Variants in HDAC3 observed in about 807,000 individuals in gnomAD.
The protein encoded by HDAC3 is histone deacetylase 3, also known as SMAP45.
HDAC3 carries 21 observed loss-of-function variants against 62.3 expected under a neutral mutation model. The ratio of observed to expected loss-of-function variants is 0.34; its 90% CI spans 0.24 to 0.49. The LOEUF is 0.49. Ranked by LOEUF, HDAC3 falls within the 20% of genes least tolerant of loss-of-function variation. HDAC3 has a pLI of 0.99. For synonymous variants in HDAC3, 198 were observed against 206.5 expected, an observed-to-expected ratio of 0.96 and a Z score of 0.35; for missense variants, 270 against 556.9, an observed-to-expected ratio of 0.48 and a Z score of 5.19.
Position 141,626,336 on chromosome 5 carries a change from AAATACCTTTAGGT to A in HDAC3, c.831-66_831-54del, listed in dbSNP as rs1182858352. On this transcript the variant is annotated intron_variant, in intron 10 of 14. Transcript: ENST00000305264. This position sits in a 1 kb window ranked among gnomAD's most constrained non-coding sequence, Gnocchi z 4.6. ...GGAGGAGGTTATCAAAAGACAAGGT[AAATACCTTTAGGT>A]ATTGCCTGAAAGGAGCACAAGAAAA... 2.2e-6 allele frequency: 3 copies of A among 1,366,690 alleles called. No homozygotes were observed. In the East Asian group the frequency reaches 6.9e-5, roughly 31 times the overall value. 84.7% of individuals were successfully genotyped at this position (1,366,690 alleles called of 1,614,324 possible).
At chr5:141,633,778 A>C (rs1259784263) in intron 3 of HDAC3, among the ~76,000 whole-genome samples, 1 of 147,022 alleles carries the variant, frequency 6.8e-6, no homozygotes, top group Non-Finnish European at 1.5e-5. Context: ...GTGAGCCAAG[A>C]CTGCACCACT....
At position 141,636,828 on chromosome 5, in the gene HDAC3, G is replaced by A. The variant is rs1030548082; in HGVS notation, c.-38C>T. Reference sequence around the variant, plus strand: ...AGCAGGCCCCGCACCTCCGCCGCCCGCCGCCCGCGGCCGCCGCCAGCCCCT... The same window carrying A: ...AGCAGGCCCCGCACCTCCGCCGCCCACCGCCCGCGGCCGCCGCCAGCCCCT... On this transcript the variant is annotated 5_prime_UTR_variant, in exon 1 of 15. Transcript: ENST00000305264. 7 of 1,438,554 alleles carry A rather than the reference G, an allele frequency of 4.9e-6. No individual in the cohort carries two copies. The South Asian group carries it at 9.4e-5, about 19-fold the overall frequency. The allele number at this position is 1,438,554 out of a possible 1,614,324, so 89.1% of individuals were successfully genotyped here.
rs912465677 is a variant in HDAC3 at position 141,626,425 on chromosome 5, C to A, written c.831-142G>T. On this transcript the variant is annotated intron_variant, in intron 10 of 14. Coordinates refer to ENST00000305264, the MANE Select transcript of HDAC3 (RefSeq NM_003883.4). The surrounding 1 kb of genome is among the most constrained non-coding windows in gnomAD (Gnocchi z 4.6). The stretch of plus-strand genomic sequence containing the variant: ...TGATAGTGAAATTCATTATGTTATA[C>A]CCTTAAGATTTGGGTATACTTTATA... 5 of 678,156 alleles carry A rather than the reference C, an allele frequency of 7.4e-6. No homozygotes were observed. The highest frequency in any genetic ancestry group is 7.2e-5 in the Admixed American group (3 of 41,830). The allele number at this position is 678,156 out of a possible 1,614,324, so 42.0% of individuals were successfully genotyped here. A position where few individuals can be genotyped will look rare whatever the true frequency, so the allele number is the denominator to read the frequency against.
Position 141,629,103 on chromosome 5 carries a change from G to C in HDAC3, c.610+70C>G. On this transcript the variant is annotated intron_variant, in intron 7 of 14. Transcript: ENST00000305264. The surrounding 1 kb of genome is among the most constrained non-coding windows in gnomAD (Gnocchi z 5.3). ...GGGGACACCTGAGATGAGACTAGAA[G>C]GCTGAGAAGGAGGCACTCATAGTAA... The C allele has an allele frequency of 6.5e-7, 1 of 1,528,076 alleles. No homozygotes were observed. 94.7% of individuals were successfully genotyped at this position (1,528,076 alleles called of 1,614,324 possible).
rs1371129070 is a variant in HDAC3 at position 141,626,318 on chromosome 5, G to A, written c.831-35C>T. 2.6e-6 allele frequency: 4 copies of A among 1,530,590 alleles called. No individual in the cohort carries two copies. In the South Asian group the frequency reaches 3.4e-5, roughly 13 times the overall value. The allele number at this position is 1,530,590 out of a possible 1,614,324, so 94.8% of individuals were successfully genotyped here. Reference sequence around the variant, plus strand: ...GGAACCAGAGGAAGATGTGGAGGAGGTTATCAAAAGACAAGGTAAATACCT... The same window carrying A: ...GGAACCAGAGGAAGATGTGGAGGAGATTATCAAAAGACAAGGTAAATACCT... On this transcript the variant is annotated intron_variant, in intron 10 of 14. Transcript: ENST00000305264. This position sits in a 1 kb window ranked among gnomAD's most constrained non-coding sequence, Gnocchi z 4.6.
rs2099905741 is a variant in HDAC3, at chr5:141,634,867, G to A, written c.225C>T (p.Pro75=). 6.2e-7 allele frequency: 1 copy of A among 1,613,950 alleles called. No individual in the cohort carries two copies. The highest frequency in any genetic ancestry group is 1.3e-5 in the African/African-American group (1 of 74,900). ...DYIDFLQRVS[P]TNMQGFTKSL... is the part of the protein sequence containing the mutation. Reference sequence around the variant, plus strand: ...TCTTGGTGAAGCCTTGCATATTGGTGGGGCTGACTCTCTGCAGGAAGTCAA... The same window carrying A: ...TCTTGGTGAAGCCTTGCATATTGGTAGGGCTGACTCTCTGCAGGAAGTCAA... Residue 75 remains proline (P), a synonymous_variant, in exon 3 of 15, where the codon CCC becomes CCT. Transcript: ENST00000305264.
chr5:141,622,177 T>C (rs1472181876), intron 14 of HDAC3, among the ~76,000 whole-genome samples: 2 of 152,232 alleles, frequency 1.3e-5, no homozygotes, highest in Non-Finnish European at 2.9e-5. Context: ...TGGATTTTCT[T>C]CTAAGTGCAA....
Position 141,636,581 on chromosome 5 carries a change from C to T in HDAC3, c.105G>A (p.Leu35=), listed in dbSNP as rs750727016. The T allele has an allele frequency of 3.1e-6, 5 of 1,613,970 alleles. No individual in the cohort carries two copies. In the African/African-American group the frequency reaches 4.0e-5, roughly 13 times the overall value. ...TCTTATAGAGACCGTAATGCAGGAC[C>T]AGGCTATGGGTCAATGCCAGGCGAT... ...KPHRLALTHS[L]VLHYGLYKKM... The change falls in exon 2 of 15, where the codon CTG becomes CTA. Residue 35 remains leucine, a synonymous_variant. Coordinates refer to ENST00000305264, the MANE Select transcript of HDAC3 (RefSeq NM_003883.4).
chr5:141,629,356 C>G lies in HDAC3; in HGVS notation c.477-50G>C. The G allele has an allele frequency of 6.2e-7, 1 of 1,611,538 alleles. No homozygotes were observed. Among genetic ancestry groups the G allele is most frequent in the African/African-American group, 1.3e-5 (1 of 74,962 alleles). On this transcript the variant is annotated intron_variant, in intron 6 of 14. Coordinates refer to ENST00000305264, the MANE Select transcript of HDAC3 (RefSeq NM_003883.4). This position sits in a 1 kb window ranked among gnomAD's most constrained non-coding sequence, Gnocchi z 5.3. ...CTGAGCTAGAAGTGAACCCCCCAACCCACTCCTCTCAAACACCGGGTCTCG... is the reference window on the plus strand; with the variant it reads ...CTGAGCTAGAAGTGAACCCCCCAACGCACTCCTCTCAAACACCGGGTCTCG...
At position 141,636,553 on chromosome 5, in the gene HDAC3, T is replaced by A. The variant is rs765619568; in HGVS notation, c.133A>T (p.Met45Leu). The A allele has an allele frequency of 2.5e-6, 4 of 1,610,866 alleles. No homozygotes were observed. In the South Asian group the frequency reaches 4.4e-5, roughly 18 times the overall value. Residue 45 changes from methionine (M) to leucine (L), a missense_variant, in exon 2 of 15, where the codon ATG (methionine) becomes TTG (leucine). By Grantham distance (15) the Met-to-Leu change is conservative (BLOSUM62 2). Around this residue, in one of 5 missense-constraint regions of HDAC3, gnomAD observed 16 missense variants for 50.1 expected, o/e 0.32. Transcript: ENST00000305264. The part of the protein sequence containing the change: ...LVLHYGLYKK[M>L]IVFKPYQASQ... Reference sequence around the variant, plus strand: ...GCCGAGGCGGCGGAACTCACGATCATCTTCTTATAGAGACCGTAATGCAGG... The same window carrying A: ...GCCGAGGCGGCGGAACTCACGATCAACTTCTTATAGAGACCGTAATGCAGG...
chr5:141,627,054 C>T (rs573484567), intron 10 of HDAC3, among the ~76,000 whole-genome samples: 23 of 152,106 alleles, frequency 1.5e-4, no homozygotes, highest in Non-Finnish European at 2.8e-4. Context: ...ATTCAAACTC[C>T]TTACCAGGGT....
chr5:141,627,518 A>G (rs1263282186), intron 10 of HDAC3, among the ~76,000 whole-genome samples: 1 of 152,148 alleles, frequency 6.6e-6, no homozygotes, highest in Non-Finnish European at 1.5e-5. Context: ...TGCTATCTCA[A>G]GTAGGTCCCC....
intron 14 of HDAC3, 97 bp from the exon 15 acceptor site, chr5:141,621,634 C>G: frequency 1.1e-6 from 1 of 900,464 alleles, no homozygotes; most frequent in Non-Finnish European, 1.8e-6. Flanking sequence ...CCGTTGAGAA[C>G]CACTCCTCCT....
At chr5:141,627,218 G>T (rs2099904560) in intron 10 of HDAC3, among the ~76,000 whole-genome samples, 1 of 152,148 alleles carries the variant, frequency 6.6e-6, no homozygotes. Flanking sequence ...AGGACTATAG[G>T]CATGCACCAT....
At chr5:141,635,798 T>TG (rs2099905888) in intron 2 of HDAC3, 1 of 152,214 alleles carries the variant, frequency 6.6e-6, no homozygotes, top group African/African-American at 2.4e-5. Context: ...TTTGTAGATG[T>TG]GGGTCCCACT....
At chr5:141,630,171 G>A in intron 3 of HDAC3, 46 bp from the exon 4 acceptor site, 1 of 1,563,656 alleles carries the variant, frequency 6.4e-7, no homozygotes, top group Non-Finnish European at 8.8e-7. Context: ...CTCTGTCTGG[G>A]CCCTTCCCAT....
Position 141,636,649 on chromosome 5 carries a change from G to A in HDAC3, c.56-19C>T, listed in dbSNP as rs976385926. ...CCAGCTCCTGGGGGTGGGGAGAAGA[G>A]AGTTCGTCAGCTCTCACCCCTGGAG... On this transcript the variant is annotated intron_variant, in intron 1 of 14. Coordinates refer to ENST00000305264, the MANE Select transcript of HDAC3 (RefSeq NM_003883.4). The A allele has an allele frequency of 1.2e-6, 2 of 1,613,806 alleles. No homozygotes were observed. The highest frequency in any genetic ancestry group is 1.7e-6 in the Non-Finnish European group (2 of 1,179,700).
At position 141,628,740 on chromosome 5, in the gene HDAC3, T is replaced by A; in HGVS notation, c.611-101A>T. The A allele has an allele frequency of 1.2e-6, 1 of 805,512 alleles. No individual in the cohort carries two copies. The allele number at this position is 805,512 out of a possible 1,614,324, so 49.9% of individuals were successfully genotyped here. ...CTGGGAGCCTCTCATTCCATCTATG[T>A]AGCTTCACCATAAACTCCCTAGAGC... On this transcript the variant is annotated intron_variant, in intron 7 of 14. Coordinates refer to ENST00000305264, the MANE Select transcript of HDAC3 (RefSeq NM_003883.4). The surrounding 1 kb of genome is among the most constrained non-coding windows in gnomAD (Gnocchi z 4.7).
intron 14 of HDAC3, among the ~76,000 whole-genome samples, chr5:141,622,013 G>A (rs956589520): frequency 2.0e-5 from 3 of 152,110 alleles, no homozygotes; most frequent in African/African-American, 7.2e-5. Flanking sequence ...AACTACAGAG[G>A]TCATGAAATG....
Sources: gnomAD v4.1 joint callset for allele counts (sites outside exome capture counted in the v4.1 genomes callset) on GRCh38, gnomAD v4.1.1 for gene constraint, gnomAD v4.1.1 regional missense constraint, Gnocchi (gnomAD v3.1) non-coding constraint, MANE v1.5 for transcripts, NCBI Gene and HGNC (gene_info 2026-07-23, HGNC 2026-07-21) for gene names.